Variants in TBC1D19 observed in about 807,000 individuals in gnomAD.
TBC1D19 encodes the protein TBC1 domain family, member 19.
In TBC1D19, 60 loss-of-function variants were observed where a neutral mutation model predicts 89.0. The ratio of observed to expected loss-of-function variants is 0.67; its 90% CI spans 0.55 to 0.84. The LOEUF (loss-of-function observed/expected upper bound fraction) is 0.84, where lower values mean the gene tolerates loss of function less well. Among genes scored for constraint, TBC1D19 ranks in the 40% least tolerant of loss-of-function variants. TBC1D19 has a pLI of 0.00. For synonymous variants in TBC1D19, 189 were observed against 199.7 expected, an observed-to-expected ratio of 0.95 and a Z score of 0.45; for missense variants, 500 against 610.8, an observed-to-expected ratio of 0.82 and a Z score of 1.91.
intron 3 of TBC1D19, among the ~76,000 whole-genome samples, chr4:26,619,961 G>A (rs1030062814): frequency 1.3e-5 from 2 of 152,170 alleles, no homozygotes; most frequent in African/African-American, 4.8e-5. Flanking sequence ...CAAGTCTGAT[G>A]ACTAATTTCA....
intron 18 of TBC1D19, among the ~76,000 whole-genome samples, chr4:26,746,311 T>C (rs1029312666): frequency 2.6e-5 from 4 of 151,566 alleles, no homozygotes; most frequent in Admixed American, 6.6e-5. Flanking sequence ...GCTTCAAGTA[T>C]TCCTTCCTGT....
At chr4:26,598,479 C>A (rs1198566943) in intron 1 of TBC1D19, among the ~76,000 whole-genome samples, 1 of 152,160 alleles carries the variant, frequency 6.6e-6, no homozygotes, top group Non-Finnish European at 1.5e-5. Flanking sequence ...ACTGCAAGCT[C>A]CGCCTCCCGG....
At chr4:26,602,002 A>C (rs1279671979) in intron 1 of TBC1D19, among the ~76,000 whole-genome samples, 2 of 152,120 alleles carry the variant, frequency 1.3e-5, no homozygotes, top group Non-Finnish European at 2.9e-5. Flanking sequence ...AAAATTGGCT[A>C]TCTTGCTTAC....
chr4:26,742,317 A>G (rs1718419936), intron 17 of TBC1D19, among the ~76,000 whole-genome samples, 191 bp from the exon 18 acceptor site: 1 of 152,246 alleles, frequency 6.6e-6, no homozygotes, highest in African/African-American at 2.4e-5. Context: ...GAGTATATAT[A>G]AAGAGGATAA....
At chr4:26,749,055 C>G (rs1309388418) in intron 19 of TBC1D19, among the ~76,000 whole-genome samples, 7 of 152,124 alleles carry the variant, frequency 4.6e-5, no homozygotes, top group African/African-American at 1.7e-4. Flanking sequence ...TGAGTTTCCC[C>G]TTTTATTCTC....
intron 15 of TBC1D19, among the ~76,000 whole-genome samples, chr4:26,722,705 G>T (rs1168571342): frequency 6.6e-6 from 1 of 152,142 alleles, no homozygotes; most frequent in African/African-American, 2.4e-5. Context: ...AGTAATAATT[G>T]TAACAGTATA....
intron 13 of TBC1D19, among the ~76,000 whole-genome samples, chr4:26,709,113 T>A (rs151047812): frequency 1.6e-3 from 247 of 152,162 alleles, no homozygotes; most frequent in African/African-American, 5.6e-3. Context: ...AGATTCTTTT[T>A]CTTCCCAGCG....
intron 1 of TBC1D19, among the ~76,000 whole-genome samples, chr4:26,587,060 A>G (rs942917390): frequency 6.6e-6 from 1 of 152,082 alleles, no homozygotes; most frequent in African/African-American, 2.4e-5. Flanking sequence ...TCATGAATGG[A>G]TGTTGAACTT....
At chr4:26,702,728 G>A (rs1715433191) in intron 13 of TBC1D19, among the ~76,000 whole-genome samples, 1 of 152,078 alleles carries the variant, frequency 6.6e-6, no homozygotes, top group African/African-American at 2.4e-5. Context: ...CTTATCACAA[G>A]GTCTATCCTC....
chr4:26,697,070 C>A (rs924889696), intron 13 of TBC1D19, among the ~76,000 whole-genome samples: 1 of 152,082 alleles, frequency 6.6e-6, no homozygotes, highest in East Asian at 1.9e-4. Context: ...AATCCAGGAG[C>A]TGGTTTTTTG....
intron 1 of TBC1D19, among the ~76,000 whole-genome samples, chr4:26,586,805 TTC>T (rs1315645415): frequency 6.6e-6 from 1 of 152,226 alleles, no homozygotes; most frequent in Non-Finnish European, 1.5e-5. Context: ...TTACCATGTA[TTC>T]TGAGAACTTG....
chr4:26,588,547 G>A (rs901675779), intron 1 of TBC1D19, among the ~76,000 whole-genome samples: 1 of 151,620 alleles, frequency 6.6e-6, no homozygotes, highest in Non-Finnish European at 1.5e-5. Flanking sequence ...CTAATTAAAT[G>A]CTCTAAATTT....
At position 26,659,829 on chromosome 4, in the gene TBC1D19, G is replaced by A. The variant is rs578036439; in HGVS notation, c.591+122G>A. On this transcript the variant is annotated intron_variant, in intron 8 of 20. Transcript: ENST00000264866. ...TCATTAAACAAATTAATAAAGTGACGTTGATTCTTTTATTGCAAATATGTA... is the reference window on the plus strand; with the variant it reads ...TCATTAAACAAATTAATAAAGTGACATTGATTCTTTTATTGCAAATATGTA... The A allele has an allele frequency of 1.1e-4, 57 of 536,312 alleles. 1 individual carries two copies. Among genetic ancestry groups the A allele is most frequent in the Admixed American group, 9.4e-4 (27 of 28,734 alleles). The allele number at this position is 536,312 out of a possible 1,614,324, so 33.2% of individuals were successfully genotyped here.
At chr4:26,639,832 G>A (rs1383585539) in intron 6 of TBC1D19, among the ~76,000 whole-genome samples, 1 of 152,166 alleles carries the variant, frequency 6.6e-6, no homozygotes, top group Non-Finnish European at 1.5e-5. Flanking sequence ...TGTATTTTAA[G>A]TACATTGAGA....
At chr4:26,832,080 G>T in the TBC1D19 span, among the ~76,000 whole-genome samples, 1 of 152,214 alleles carries the variant, frequency 6.6e-6, no homozygotes, top group Non-Finnish European at 1.5e-5. Context: ...TGCTGGGCAA[G>T]CTGTGGGTGA....
At chr4:26,592,553 T>G (rs1739890459) in intron 1 of TBC1D19, among the ~76,000 whole-genome samples, 1 of 152,194 alleles carries the variant, frequency 6.6e-6, no homozygotes, top group African/African-American at 2.4e-5. Context: ...AAATTGTCCC[T>G]GTTTGCAGAT....
At chr4:26,666,849 A>G (rs260941) in intron 9 of TBC1D19, among the ~76,000 whole-genome samples, 145,868 of 152,018 alleles carry the variant, frequency 0.96, 70,194 homozygotes, top group Non-Finnish European at 1. Flanking sequence ...TAAATTCAAT[A>G]TACTTTTTAT....
downstream of TBC1D19, among the ~76,000 whole-genome samples, chr4:26,758,511 C>G (rs1380920144): frequency 2.6e-5 from 4 of 152,184 alleles, no homozygotes; most frequent in Non-Finnish European, 5.9e-5. Flanking sequence ...TGTACTGTTC[C>G]TCTGGCCATG....
chr4:26,748,816 C>G (rs562055112), intron 19 of TBC1D19, among the ~76,000 whole-genome samples: 44 of 152,240 alleles, frequency 2.9e-4, no homozygotes, highest in Non-Finnish European at 3.4e-4. Flanking sequence ...CTCACTATCT[C>G]CCAACACCTA....
Sources: gnomAD v4.1 joint callset for allele counts (sites outside exome capture counted in the v4.1 genomes callset) on GRCh38, gnomAD v4.1.1 for gene constraint, MANE v1.5 for transcripts, NCBI Gene and HGNC (gene_info 2026-07-23, HGNC 2026-07-21) for gene names.